Variants in PSTPIP1 observed in about 807,000 individuals in gnomAD.
PSTPIP1 encodes the protein proline-serine-threonine phosphatase interacting protein 1, also known as proline-serine-threonine phosphatase-interacting protein 1.
PSTPIP1 carries 66 observed loss-of-function variants against 69.6 expected under a neutral mutation model. The ratio of observed to expected loss-of-function variants is 0.95; its 90% CI spans 0.78 to 1.16. The LOEUF is 1.16. Among genes scored for constraint, PSTPIP1 ranks in the 50% most tolerant of loss-of-function variants. The pLI, the probability that PSTPIP1 is intolerant of heterozygous loss-of-function variation, is 0.00. For synonymous variants in PSTPIP1, 266 were observed against 222.7 expected (o/e 1.19, Z -1.73); for missense variants, 603 against 557.4 (o/e 1.08, Z -0.82).
chr15:77,025,701 G>A, intron 5 of PSTPIP1, 97 bp downstream of exon 5: 1 of 895,464 alleles, frequency 1.1e-6, no homozygotes, highest in Admixed American at 2.3e-5. Flanking sequence ...AGAGCCAGTG[G>A]AGGGCGGCAG....
chr15:77,028,664 T>A lies in PSTPIP1; in HGVS notation c.516+12T>A, dbSNP rs2076344854. 1 of 1,542,582 alleles carries A rather than the reference T, an allele frequency of 6.5e-7. No individual in the cohort carries two copies. ...AGCAGGTGGAGAAGGTGCGCTGGGCTGCTGGGCCGTGTGGGTCGCCCAGGG... is the reference window on the plus strand; with the variant it reads ...AGCAGGTGGAGAAGGTGCGCTGGGCAGCTGGGCCGTGTGGGTCGCCCAGGG... On this transcript the variant is annotated intron_variant, in intron 7 of 14. Transcript: ENST00000558012.
At chr15:77,004,877 A>G (rs1336650066) in intron 1 of PSTPIP1, among the ~76,000 whole-genome samples, 1 of 150,714 alleles carries the variant, frequency 6.6e-6, no homozygotes, top group African/African-American at 2.4e-5. Flanking sequence ...CAAACAAACA[A>G]ACAAAAAAAA....
In PSTPIP1 at chr15:77,035,157, C is replaced by T. The variant is rs552884144; in HGVS notation, c.930-351C>T. ...GGCATCTTCCCACGAGGCCTCAGTGCGGAGGTCCTAGAACCCCCAAAGGGC... is the reference window on the plus strand; with the variant it reads ...GGCATCTTCCCACGAGGCCTCAGTGTGGAGGTCCTAGAACCCCCAAAGGGC... On this transcript the variant is annotated intron_variant, in intron 12 of 14. Transcript: ENST00000558012. 2.6e-5 allele frequency among the ~76,000 whole-genome samples: 4 copies of T among 152,312 alleles called. No individual in the cohort carries two copies. In the East Asian group the frequency reaches 7.7e-4, roughly 29 times the overall value.
At chr15:77,033,022 C>T in intron 12 of PSTPIP1, 70 bp downstream of exon 12, 1 of 1,428,794 alleles carries the variant, frequency 7.0e-7, no homozygotes, top group Non-Finnish European at 9.6e-7. Flanking sequence ...CTCCTCTGCA[C>T]CTGGCCCTTC....
chr15:77,000,152 C>A (rs2152663321), intron 1 of PSTPIP1, among the ~76,000 whole-genome samples: 1 of 152,318 alleles, frequency 6.6e-6, no homozygotes, highest in African/African-American at 2.4e-5. Flanking sequence ...CCTCCCCAAG[C>A]CCATTTAACA....
At chr15:77,003,555 C>A (rs925544006) in intron 1 of PSTPIP1, among the ~76,000 whole-genome samples, 1 of 152,016 alleles carries the variant, frequency 6.6e-6, no homozygotes, top group African/African-American at 2.4e-5. Flanking sequence ...ACTCAGGAGG[C>A]TGAGGCAGGA....
chr15:77,003,827 C>T (rs567489344), intron 1 of PSTPIP1, among the ~76,000 whole-genome samples: 57 of 152,190 alleles, frequency 3.7e-4, no homozygotes, highest in African/African-American at 1.3e-3. Flanking sequence ...GAGGTTGGGG[C>T]GGCTCAGGGC....
chr15:77,022,780 G>A (rs1343212417), intron 3 of PSTPIP1, among the ~76,000 whole-genome samples: 1 of 152,236 alleles, frequency 6.6e-6, no homozygotes, highest in Non-Finnish European at 1.5e-5. Context: ...GTGGCCTGAT[G>A]GTTCCAGCAA....
intron 14 of PSTPIP1, 85 bp from the exon 15 acceptor site, chr15:77,036,960 C>T: frequency 1.9e-6 from 3 of 1,540,106 alleles, no homozygotes; most frequent in Non-Finnish European, 2.6e-6. Flanking sequence ...GCATTTACTG[C>T]TGGGTGGGGG....
At chr15:77,030,414 G>C in intron 8 of PSTPIP1, 88 bp from the exon 9 acceptor site, 1 of 1,382,524 alleles carries the variant, frequency 7.2e-7, no homozygotes. Flanking sequence ...GCTCCCAGTG[G>C]GAGGAGGCAT....
At chr15:77,029,487 C>T (rs2152686721) in intron 7 of PSTPIP1, 42 bp from the exon 8 acceptor site, 3 of 1,556,228 alleles carry the variant, frequency 1.9e-6, no homozygotes, top group Middle Eastern at 1.7e-4. Context: ...GCCCTGGCTC[C>T]TGGGGCAGGG....
chr15:77,030,580 A>G lies in PSTPIP1; in HGVS notation c.641A>G (p.Glu214Gly). ...EWEQEHRTTCEAFQLQEFDRL... is the reference protein window; with the variant it reads ...EWEQEHRTTCGAFQLQEFDRL... ...GAGCAGGAGCACCGGACCACCTGTG[A>G]GGTGAGTGGCCCACGTGGAGCCTCG... The change falls in exon 9 of 15, where the codon GAG becomes GGG. Residue 214 changes from glutamate (E) to glycine (G), a missense_variant and splice_region_variant. Coordinates refer to ENST00000558012, the MANE Select transcript of PSTPIP1 (RefSeq NM_003978.5). 6.3e-7 allele frequency: 1 copy of G among 1,597,146 alleles called. No homozygotes were observed. The highest frequency in any genetic ancestry group is 8.6e-7 in the Non-Finnish European group (1 of 1,167,078).
intron 14 of PSTPIP1, 55 bp from the exon 15 acceptor site, chr15:77,036,988 TGC>T: frequency 6.4e-7 from 1 of 1,572,512 alleles, no homozygotes; most frequent in South Asian, 1.1e-5. Context: ...GGCCCCTCCC[TGC>T]AGGCCCTTCC....
chr15:76,994,702 G>A (rs1596026818), upstream of PSTPIP1: 2 of 1,251,642 alleles, frequency 1.6e-6, no homozygotes, highest in East Asian at 1.1e-4. Context: ...TGTGCTCACA[G>A]CCCCCCAGAG....
At chr15:77,015,827 C>A (rs1038759925) in intron 1 of PSTPIP1, 1 of 435,330 alleles carries the variant, frequency 2.3e-6, no homozygotes, top group Non-Finnish European at 4.6e-6. Context: ...TCGGAACATC[C>A]CAGTCCTTGT....
Position 76,995,298 on chromosome 15 carries a change from G to A in PSTPIP1, c.-276G>A. The A allele has an allele frequency of 1.5e-6, 2 of 1,367,308 alleles. 1 individual carries two copies. The highest frequency in any genetic ancestry group is 3.1e-5 in the South Asian group (2 of 64,418). 84.7% of individuals were successfully genotyped at this position (1,367,308 alleles called of 1,614,324 possible). On this transcript the variant is annotated 5_prime_UTR_variant, in exon 1 of 15. Coordinates refer to ENST00000558012, the MANE Select transcript of PSTPIP1 (RefSeq NM_003978.5). ...TCACCGCAGGGTCGGTGAGGGGCTGGGCTGGACACCAGGGCCCGCCCTCCC... is the reference window on the plus strand; with the variant it reads ...TCACCGCAGGGTCGGTGAGGGGCTGAGCTGGACACCAGGGCCCGCCCTCCC...
rs776521124 is a variant in PSTPIP1 at position 77,018,435 on chromosome 15, T to C, written c.138-22T>C. 10 of 1,563,782 alleles carry C rather than the reference T, an allele frequency of 6.4e-6. 1 individual carries two copies. In the South Asian group the frequency reaches 8.2e-5, roughly 13 times the overall value. The stretch of plus-strand genomic sequence containing the variant: ...GAGGTGGCAAGTCACTGATGATCTT[T>C]CAAATGCCCTTTTTTTTGCAGGGCC... On this transcript the variant is annotated intron_variant, in intron 2 of 14. Transcript: ENST00000558012.
chr15:76,997,223 C>T (rs2075600011), intron 1 of PSTPIP1, among the ~76,000 whole-genome samples: 2 of 152,240 alleles, frequency 1.3e-5, no homozygotes, highest in South Asian at 4.1e-4. Context: ...TTCCTGGCCT[C>T]CAAGTGCCTT....
chr15:77,030,155 C>G (rs2076380232), intron 8 of PSTPIP1, among the ~76,000 whole-genome samples: 1 of 152,206 alleles, frequency 6.6e-6, no homozygotes, highest in Non-Finnish European at 1.5e-5. Context: ...CTGTGGGACT[C>G]CACCCCTCCT....
Sources: gnomAD v4.1 joint callset for allele counts (sites outside exome capture counted in the v4.1 genomes callset) on GRCh38, gnomAD v4.1.1 for gene constraint, MANE v1.5 for transcripts, NCBI Gene and HGNC (gene_info 2026-07-23, HGNC 2026-07-21) for gene names.